ZNF385A: variants seen among roughly 807,000 people sequenced by gnomAD.
The protein encoded by ZNF385A is zinc finger protein 385A.
Under a neutral mutation model 32.1 loss-of-function variants are expected in ZNF385A, and 14 were observed. That is an observed-to-expected ratio of 0.44 (90% confidence interval 0.29 to 0.68). The LOEUF (loss-of-function observed/expected upper bound fraction) is 0.68, where lower values mean the gene tolerates loss of function less well. Ranked by LOEUF, ZNF385A falls within the 30% of genes least tolerant of loss-of-function variation. The pLI, the probability that ZNF385A is intolerant of heterozygous loss-of-function variation, is 0.14. For missense variants in ZNF385A, 406 were observed against 478.4 expected (o/e 0.85, Z 1.41); for synonymous variants, 197 against 202.7 (o/e 0.97, Z 0.24).
At position 54,383,165 on chromosome 12, in the gene ZNF385A, A is replaced by AAAAACAAAAC. The variant is rs113165208; in HGVS notation, c.87+1253_87+1262dup. On this transcript the variant is annotated intron_variant, in intron 1 of 6. Coordinates refer to ENST00000394313, the MANE Select transcript of ZNF385A (RefSeq NM_015481.3). ...GAGAGATTGAGCAAGACTACATCTC[A>AAAAACAAAAC]AAAACAAAACAAAACAAAACAAAAC... Among the ~76,000 whole-genome samples the AAAAACAAAAC allele has an allele frequency of 5.0e-3, 763 of 152,112 alleles. 5 individuals carry two copies. The highest frequency in any genetic ancestry group is 0.016 in the African/African-American group (683 of 41,448).
intron 1 of ZNF385A, among the ~76,000 whole-genome samples, chr12:54,383,964 C>T (rs1955332279): frequency 6.6e-6 from 1 of 152,188 alleles, no homozygotes; most frequent in Non-Finnish European, 1.5e-5. Context: ...ATCTAGACCA[C>T]CTTGCCAGTC....
At position 54,384,720 on chromosome 12, in the gene ZNF385A, C is replaced by G; in HGVS notation, c.-206G>C. On this transcript the variant is annotated 5_prime_UTR_variant, in exon 1 of 7. Coordinates refer to ENST00000394313, the MANE Select transcript of ZNF385A (RefSeq NM_015481.3). ...CACACTTCCCCTGCTGGCTCCAGAG[C>G]AATGGAGCACAGTGCCCTGTGGGCC... 7.5e-7 allele frequency: 1 copy of G among 1,333,566 alleles called. No homozygotes were observed. Among genetic ancestry groups the G allele is most frequent in the East Asian group, 3.0e-5 (1 of 33,134 alleles). 82.6% of individuals were successfully genotyped at this position (1,333,566 alleles called of 1,614,324 possible).
chr12:54,379,271 G>A (rs575143186), intron 1 of ZNF385A: 10 of 867,584 alleles, frequency 1.2e-5, no homozygotes, highest in Non-Finnish European at 1.4e-5. Flanking sequence ...GAGGACGGGG[G>A]CGGGGACAGG....
chr12:54,390,305 CA>C (rs1955601063), intron 1 of ZNF385A, among the ~76,000 whole-genome samples: 1 of 152,042 alleles, frequency 6.6e-6, no homozygotes, highest in East Asian at 1.9e-4. Flanking sequence ...GGCGCTGATG[CA>C]GAGTCCAGAG....
At chr12:54,375,080 G>GTA (rs1249303255) in intron 2 of ZNF385A, among the ~76,000 whole-genome samples, 1 of 151,966 alleles carries the variant, frequency 6.6e-6, no homozygotes, top group Non-Finnish European at 1.5e-5. Flanking sequence ...GTGTGTGTGT[G>GTA]TGTGTGTCTC....
At position 54,370,634 on chromosome 12, in the gene ZNF385A, C is replaced by A. The variant is rs1215413731; in HGVS notation, c.862G>T (p.Glu288Ter). The change falls in exon 6 of 7, where the codon GAG (glutamate) becomes TAG (stop). Residue 288 changes from glutamate (E) to a stop codon, truncating the protein, a stop_gained. Transcript: ENST00000394313. LOFTEE classifies it low-confidence loss of function (END_TRUNC). This position sits in a 1 kb window ranked among gnomAD's most constrained non-coding sequence, Gnocchi z 5.5. ...SRHKKSRGAG[E>*]LAGTLTFSKE... Reference sequence around the variant, plus strand: ...CAGCATCCAGGCCTCACCGCCAGCTCCCCGGCGCCCCTAGACTTCTTGTGA... The same window carrying A: ...CAGCATCCAGGCCTCACCGCCAGCTACCCGGCGCCCCTAGACTTCTTGTGA... 6.2e-7 allele frequency: 1 copy of A among 1,601,078 alleles called. No individual in the cohort carries two copies. The highest frequency in any genetic ancestry group is 8.5e-7 in the Non-Finnish European group (1 of 1,174,296).
chr12:54,384,473 T>C lies in ZNF385A; in HGVS notation c.42A>G (p.Pro14=). 1 of 1,585,442 alleles carries C rather than the reference T, an allele frequency of 6.3e-7. No homozygotes were observed. The highest frequency in any genetic ancestry group is 8.6e-7 in the Non-Finnish European group (1 of 1,167,092). The change falls in exon 1 of 7, where the codon CCA becomes CCG. Residue 14 remains proline, a synonymous_variant. Coordinates refer to ENST00000394313, the MANE Select transcript of ZNF385A (RefSeq NM_015481.3). The stretch of plus-strand genomic sequence containing the variant: ...GGCCAAGGGTAGGGGCTGGCTCGAG[T>C]GGGAAGGGCAGGATCTGCTTGAGGT... ...PLDLKQILPF[P]LEPAPTLGLF... is the part of the protein sequence containing the mutation.
intron 1 of ZNF385A, chr12:54,391,202 A>G: frequency 3.4e-6 from 5 of 1,469,544 alleles, no homozygotes; most frequent in Non-Finnish European, 4.5e-6. Flanking sequence ...GGAACCCAGG[A>G]GCCGGGAGCC....
At chr12:54,386,724 C>T (rs556817064), upstream of ZNF385A, among the ~76,000 whole-genome samples, 4 of 152,278 alleles carry the variant, frequency 2.6e-5, no homozygotes, top group South Asian at 6.2e-4. Context: ...TTGGCTTGAC[C>T]CTTTCCCTGG....
In ZNF385A at chr12:54,370,382, C is replaced by A; in HGVS notation, c.975G>T (p.Pro325=). Residue 325 remains proline (P), a synonymous_variant, in exon 7 of 7, where the codon CCG becomes CCT. Coordinates refer to ENST00000394313, the MANE Select transcript of ZNF385A (RefSeq NM_015481.3). This position sits in a 1 kb window ranked among gnomAD's most constrained non-coding sequence, Gnocchi z 5.5. ...AAVMAAAAGS[P]LSLRPAPAAP... is the part of the protein sequence containing the mutation. The stretch of plus-strand genomic sequence containing the variant: ...CGGCTGGAGCCGGGCGCAGGGACAG[C>A]GGCGAGCCTGCTGCCGCTGCCATCA... 1 of 1,523,104 alleles carries A rather than the reference C, an allele frequency of 6.6e-7. No homozygotes were observed. Among genetic ancestry groups the A allele is most frequent in the Non-Finnish European group, 8.8e-7 (1 of 1,133,574 alleles). The allele number at this position is 1,523,104 out of a possible 1,614,324, so 94.3% of individuals were successfully genotyped here. A position where few individuals can be genotyped will look rare whatever the true frequency, so the allele number is the denominator to read the frequency against.
intron 1 of ZNF385A, among the ~76,000 whole-genome samples, chr12:54,377,892 C>T (rs1483864396): frequency 1.3e-5 from 2 of 152,092 alleles, no homozygotes; most frequent in East Asian, 3.8e-4. Context: ...GCAGAGTCTC[C>T]TAGTTCTGCC....
intron 4 of ZNF385A, 24 bp downstream of exon 4, chr12:54,371,449 G>A: frequency 6.3e-7 from 1 of 1,594,896 alleles, no homozygotes; most frequent in Non-Finnish European, 8.5e-7. Context: ...AGGAGAGTCT[G>A]GGTGGGGGCA....
intron 3 of ZNF385A, 119 bp from the exon 4 acceptor site, chr12:54,371,834 A>G (rs1426492689): frequency 1.4e-6 from 2 of 1,435,386 alleles, no homozygotes; most frequent in African/African-American, 1.4e-5. Context: ...CCACCCTGTT[A>G]CAACATGCAT....
intron 1 of ZNF385A, among the ~76,000 whole-genome samples, chr12:54,377,785 G>A (rs1283865280): frequency 6.6e-6 from 1 of 152,146 alleles, no homozygotes; most frequent in Non-Finnish European, 1.5e-5. Context: ...TCACATGCTG[G>A]GTGGGGAATG....
At chr12:54,384,937 T>G, upstream of ZNF385A, 1 of 1,018,676 alleles carries the variant, frequency 9.8e-7, no homozygotes, top group Non-Finnish European at 1.2e-6. Flanking sequence ...TGGTTTTGCT[T>G]TCCCCCAGGG....
rs752052377 is a variant in ZNF385A, at chr12:54,371,541, C to T, written c.536G>A (p.Arg179Gln). 18 of 1,613,452 alleles carry T rather than the reference C, an allele frequency of 1.1e-5. No individual in the cohort carries two copies. The highest frequency in any genetic ancestry group is 6.7e-5 in the Admixed American group (4 of 59,926). ...GSKEEEEKAKRLLYCALCKVA... is the reference protein window; with the variant it reads ...GSKEEEEKAKQLLYCALCKVA... Reference sequence around the variant, plus strand: ...CTTGCACAGAGCACAGTAGAGCAGCCGCTTGGCTTTCTCCTCCTCTTCCTT... The same window carrying T: ...CTTGCACAGAGCACAGTAGAGCAGCTGCTTGGCTTTCTCCTCCTCTTCCTT... Residue 179 changes from arginine to glutamine, a missense_variant, in exon 4 of 7, where the codon CGG becomes CAG. Coordinates refer to ENST00000394313, the MANE Select transcript of ZNF385A (RefSeq NM_015481.3).
chr12:54,371,787 C>T (rs1954567916), intron 3 of ZNF385A, 72 bp from the exon 4 acceptor site: 2 of 1,581,634 alleles, frequency 1.3e-6, no homozygotes. Context: ...TGGAAGAGAC[C>T]CCCCCCATTT....
intron 1 of ZNF385A, among the ~76,000 whole-genome samples, chr12:54,383,728 C>G (rs903469446): frequency 6.6e-6 from 1 of 152,188 alleles, no homozygotes; most frequent in African/African-American, 2.4e-5. Context: ...AACCCCATCT[C>G]TACTAAAAAT....
chr12:54,374,320 A>G (rs1954724565), intron 2 of ZNF385A, among the ~76,000 whole-genome samples, 185 bp from the exon 3 acceptor site: 2 of 152,100 alleles, frequency 1.3e-5, no homozygotes. Context: ...CTAGCTTCTC[A>G]AGCTTGAGTC....
Sources: gnomAD v4.1 joint callset for allele counts (sites outside exome capture counted in the v4.1 genomes callset) on GRCh38, gnomAD v4.1.1 for gene constraint, Gnocchi (gnomAD v3.1) non-coding constraint, MANE v1.5 for transcripts, NCBI Gene and HGNC (gene_info 2026-07-23, HGNC 2026-07-21) for gene names.